Variants in DDAH1 observed in about 807,000 individuals in gnomAD.
The protein encoded by DDAH1 is N(G),N(G)-dimethylarginine dimethylaminohydrolase 1.
DDAH1 carries 19 observed loss-of-function variants against 28.8 expected under a neutral mutation model. That is an observed-to-expected ratio of 0.66 (90% CI 0.46 to 0.97). The LOEUF (loss-of-function observed/expected upper bound fraction) is 0.97. Among genes scored for constraint, DDAH1 ranks in the 50% least tolerant of loss-of-function variants. DDAH1 has a pLI of 0.00. For synonymous variants in DDAH1, 153 were observed against 154.4 expected, an observed-to-expected ratio of 0.99 and a Z score of 0.07; for missense variants, 326 against 375.9, an observed-to-expected ratio of 0.87 and a Z score of 1.10.
rs556262114 is a variant in DDAH1 at position 85,535,919 on chromosome 1, G to A, written c.-122-39638C>T. Among the ~76,000 whole-genome samples, 942 of 152,304 alleles carry A rather than the reference G, an allele frequency of 6.2e-3. 12 individuals are homozygous for A. The highest frequency in any genetic ancestry group is 0.021 in the African/African-American group (892 of 41,560). ...AAAGAAGACATACAAACGGACAACA[G>A]GTGAATGAAGAAATGCTCAGCATCA... On this transcript the variant is annotated intron_variant, in intron 1 of 6. Transcript: ENST00000426972.
At chr1:85,514,527 TAAAAA>T (rs34215001) in intron 1 of DDAH1, among the ~76,000 whole-genome samples, 2 of 126,756 alleles carry the variant, frequency 1.6e-5, no homozygotes, top group African/African-American at 2.9e-5. Flanking sequence ...CTTAAAGCAT[TAAAAA>T]AAAAAAAAAA....
At chr1:85,443,427 T>C (rs1654289938) in intron 1 of DDAH1, among the ~76,000 whole-genome samples, 1 of 152,214 alleles carries the variant, frequency 6.6e-6, no homozygotes, top group Non-Finnish European at 1.5e-5. Flanking sequence ...TTGGTTACTG[T>C]AGCCTTGTAG....
At chr1:85,572,974 G>C (rs930687705) in intron 1 of DDAH1, among the ~76,000 whole-genome samples, 5 of 152,130 alleles carry the variant, frequency 3.3e-5, no homozygotes, top group African/African-American at 1.2e-4. Context: ...TTTATAACTA[G>C]AGTTCTAAAG....
At chr1:85,365,368 G>A (rs1430287140) in intron 1 of DDAH1, among the ~76,000 whole-genome samples, 1 of 152,162 alleles carries the variant, frequency 6.6e-6, no homozygotes, top group African/African-American at 2.4e-5. Flanking sequence ...CAAAAATGTG[G>A]ACTCAGACAT....
chr1:85,356,777 T>G (rs1206748524), intron 2 of DDAH1, among the ~76,000 whole-genome samples: 1 of 152,214 alleles, frequency 6.6e-6, no homozygotes, highest in African/African-American at 2.4e-5. Context: ...TAGTACCTAC[T>G]TTGAAGATAG....
intron 1 of DDAH1, among the ~76,000 whole-genome samples, chr1:85,368,208 TC>T (rs1650174823): frequency 6.6e-6 from 1 of 152,180 alleles, no homozygotes. Context: ...TTGTTGCAGC[TC>T]TGTATATCAG....
At chr1:85,551,364 T>C (rs898119416) in intron 1 of DDAH1, among the ~76,000 whole-genome samples, 4 of 152,218 alleles carry the variant, frequency 2.6e-5, no homozygotes, top group Non-Finnish European at 4.4e-5. Context: ...TGGTTTTCAC[T>C]GGCTAATTTC....
At chr1:85,521,134 A>G (rs1188834083) in intron 1 of DDAH1, among the ~76,000 whole-genome samples, 1 of 152,174 alleles carries the variant, frequency 6.6e-6, no homozygotes, top group South Asian at 2.1e-4. Context: ...ATGTCATCAC[A>G]GTACTTTAAT....
intron 1 of DDAH1, among the ~76,000 whole-genome samples, chr1:85,406,533 A>G (rs1652411088): frequency 6.6e-6 from 1 of 152,176 alleles, no homozygotes; most frequent in Admixed American, 6.5e-5. Context: ...TGAAATATTC[A>G]AGAAGGATAC....
chr1:85,534,133 A>G (rs1360051448), intron 1 of DDAH1, among the ~76,000 whole-genome samples: 3 of 152,214 alleles, frequency 2.0e-5, no homozygotes, highest in Non-Finnish European at 4.4e-5. Context: ...AATTCTTTGC[A>G]TTCTACAGGC....
At chr1:85,485,931 A>G (rs752621048) in intron 2 of DDAH1, among the ~76,000 whole-genome samples, 2 of 152,190 alleles carry the variant, frequency 1.3e-5, no homozygotes, top group Non-Finnish European at 2.9e-5. Flanking sequence ...GAAGCCCACC[A>G]AAATCAACCC....
chr1:85,575,027 C>T (rs763018110), intron 1 of DDAH1, among the ~76,000 whole-genome samples: 22 of 152,132 alleles, frequency 1.4e-4, no homozygotes, highest in Non-Finnish European at 2.6e-4. Context: ...ATCGCTTGAG[C>T]CCAGGAGTTT....
chr1:85,434,780 T>A (rs544494788), intron 1 of DDAH1, among the ~76,000 whole-genome samples: 27 of 152,298 alleles, frequency 1.8e-4, no homozygotes, highest in African/African-American at 6.0e-4. Flanking sequence ...TATTTTCATC[T>A]ACATATTCTT....
intron 4 of DDAH1, among the ~76,000 whole-genome samples, chr1:85,327,146 G>A (rs936261472): frequency 5.9e-5 from 9 of 152,160 alleles, no homozygotes; most frequent in African/African-American, 2.2e-4. Context: ...GGGAGTTTGA[G>A]ACCAGCCTGG....
intron 1 of DDAH1, among the ~76,000 whole-genome samples, chr1:85,407,960 G>A (rs994666235): frequency 6.6e-6 from 1 of 152,170 alleles, no homozygotes; most frequent in African/African-American, 2.4e-5. Flanking sequence ...AGAACTGGAA[G>A]ACCACGCATG....
intron 1 of DDAH1, among the ~76,000 whole-genome samples, chr1:85,419,540 T>A (rs1382679080): frequency 2.5e-5 from 2 of 81,512 alleles, no homozygotes; most frequent in African/African-American, 5.5e-5. Flanking sequence ...AACTCCATCT[T>A]AAAAAAAAAA....
At chr1:85,360,013 T>C (rs562756384) in intron 1 of DDAH1, among the ~76,000 whole-genome samples, 14 of 152,260 alleles carry the variant, frequency 9.2e-5, no homozygotes, top group African/African-American at 1.9e-4. Context: ...ATGACTCGAA[T>C]AGGGGACAAG....
chr1:85,497,113 T>C (rs78479170), intron 1 of DDAH1, among the ~76,000 whole-genome samples: 6,336 of 152,284 alleles, frequency 0.042, 205 homozygotes, highest in African/African-American at 0.09. Context: ...TGACTGACAA[T>C]TGTGTCTGCT....
intron 4 of DDAH1, among the ~76,000 whole-genome samples, chr1:85,333,990 A>G (rs968988075): frequency 6.6e-6 from 1 of 152,204 alleles, no homozygotes; most frequent in Non-Finnish European, 1.5e-5. Flanking sequence ...TTATAATCAA[A>G]CAGTCTAATA....
Sources: allele counts gnomAD v4.1 joint callset (sites outside exome capture counted in the v4.1 genomes callset), GRCh38; gene constraint gnomAD v4.1.1; transcripts MANE v1.5; gene names NCBI Gene and HGNC (gene_info 2026-07-23, HGNC 2026-07-21).